RABGAP1L: variants seen among roughly 807,000 people sequenced by gnomAD.
RABGAP1L encodes rab GTPase-activating protein 1-like.
Under a neutral mutation model 137.7 loss-of-function variants are expected in RABGAP1L, and 63 were observed. The ratio of observed to expected loss-of-function variants is 0.46; its 90% CI spans 0.37 to 0.56. The LOEUF (loss-of-function observed/expected upper bound fraction) is 0.56, where lower values mean the gene tolerates loss of function less well. Ranked by LOEUF, RABGAP1L falls within the 20% of genes least tolerant of loss-of-function variation. RABGAP1L has a pLI of 0.00. For missense variants in RABGAP1L, 1,095 were observed against 1,244.0 expected, an observed-to-expected ratio of 0.88 and a Z score of 1.80; for synonymous variants, 431 against 433.7, an observed-to-expected ratio of 0.99 and a Z score of 0.08.
chr1:174,705,450 G>C (rs906039650), intron 17 of RABGAP1L: 2 of 152,084 alleles, frequency 1.3e-5, no homozygotes, highest in African/African-American at 4.8e-5. Context: ...GTGTTTGAAA[G>C]GTCATAATGT....
chr1:174,540,764 C>T lies in RABGAP1L; in HGVS notation c.1711-96611C>T, dbSNP rs373686176. On this transcript the variant is annotated intron_variant, in intron 13 of 25. Coordinates refer to ENST00000681986, the MANE Select transcript of RABGAP1L (RefSeq NM_001366446.1). Reference sequence around the variant, plus strand: ...CTTTGTTCTTTTTGTTTAGGATTGTCTTGGCAATGTGGGTTCTTTTTTGGT... The same window carrying T: ...CTTTGTTCTTTTTGTTTAGGATTGTTTTGGCAATGTGGGTTCTTTTTTGGT... Among the ~76,000 whole-genome samples the T allele has an allele frequency of 7.2e-5, 11 of 152,200 alleles. No individual in the cohort carries two copies. In the East Asian group the frequency reaches 1.7e-3, roughly 24 times the overall value.
intron 13 of RABGAP1L, among the ~76,000 whole-genome samples, chr1:174,481,762 T>A (rs1659105641): frequency 6.6e-6 from 1 of 151,838 alleles, no homozygotes; most frequent in African/African-American, 2.4e-5. Flanking sequence ...ACCCCAAAGA[T>A]CCCCATGTCT....
At chr1:174,769,693 A>C (rs992228088) in intron 18 of RABGAP1L, among the ~76,000 whole-genome samples, 30 of 152,148 alleles carry the variant, frequency 2.0e-4, no homozygotes, top group African/African-American at 6.5e-4. Context: ...TGGCTAGATG[A>C]GATCAAGAAG....
intron 8 of RABGAP1L, among the ~76,000 whole-genome samples, chr1:174,274,540 G>C (rs1674808300): frequency 6.6e-6 from 1 of 151,394 alleles, no homozygotes; most frequent in South Asian, 2.1e-4. Flanking sequence ...TATTCTATTT[G>C]CATAAAGAAA....
chr1:174,405,929 G>A (rs1649213009), intron 13 of RABGAP1L, among the ~76,000 whole-genome samples: 1 of 151,932 alleles, frequency 6.6e-6, no homozygotes, highest in Non-Finnish European at 1.5e-5. Flanking sequence ...AGTGAGCCAA[G>A]ATCACGCCAC....
chr1:174,633,795 A>T lies in RABGAP1L; in HGVS notation c.1711-3580A>T, dbSNP rs1351256262. ...ACAAGCAGTGGGGAAAGGATTCCCT[A>T]TTTAATAAATGGTGCTGGGAAAACT... is the stretch of plus-strand genomic sequence containing the variant. On this transcript the variant is annotated intron_variant, in intron 13 of 25. Coordinates refer to ENST00000681986, the MANE Select transcript of RABGAP1L (RefSeq NM_001366446.1). 1.4e-5 allele frequency among the ~76,000 whole-genome samples: 2 copies of T among 140,058 alleles called. 1 individual carries two copies. The highest frequency in any genetic ancestry group is 3.1e-5 in the Non-Finnish European group (2 of 65,424). The allele number at this position is 140,058 out of a possible 152,430, so 91.9% of individuals were successfully genotyped here. A position where few individuals can be genotyped will look rare whatever the true frequency, so the allele number is the denominator to read the frequency against.
chr1:174,691,378 G>A (rs1382571060), intron 15 of RABGAP1L, among the ~76,000 whole-genome samples: 1 of 152,176 alleles, frequency 6.6e-6, no homozygotes, highest in African/African-American at 2.4e-5. Context: ...ATAGTTTCTT[G>A]TGGAGAGAAG....
chr1:174,801,772 G>C (rs1688777646), intron 18 of RABGAP1L, among the ~76,000 whole-genome samples: 1 of 109,504 alleles, frequency 9.1e-6, no homozygotes, highest in Non-Finnish European at 2.3e-5. Flanking sequence ...ATTTAGAAAG[G>C]AGTTTTGTTT....
chr1:174,585,377 C>A lies in RABGAP1L; in HGVS notation c.1711-51998C>A, dbSNP rs557500145. On this transcript the variant is annotated intron_variant, in intron 13 of 25. Transcript: ENST00000681986. ...CCTTTTCTTCCTGTCCACCTGCTAC[C>A]TCAGCTTGAAAGAGTATATAGTGCT... Among the ~76,000 whole-genome samples, 240 of 152,212 alleles carry A rather than the reference C, an allele frequency of 1.6e-3. 3 individuals are homozygous for A. Among genetic ancestry groups the A allele is most frequent in the Non-Finnish European group, 2.4e-4 (16 of 68,020 alleles).
At chr1:174,432,542 T>A (rs147863571) in intron 13 of RABGAP1L, among the ~76,000 whole-genome samples, 29 of 152,310 alleles carry the variant, frequency 1.9e-4, no homozygotes, top group Non-Finnish European at 3.5e-4. Flanking sequence ...TTCTTTTCTT[T>A]CTTTTTTTCT....
intron 13 of RABGAP1L, among the ~76,000 whole-genome samples, chr1:174,590,403 G>A (rs1669518473): frequency 8.1e-6 from 1 of 123,492 alleles, no homozygotes; most frequent in South Asian, 2.7e-4. Flanking sequence ...ACATTGTGCA[G>A]GTTAGTTACA....
chr1:174,642,582 T>G (rs1674612809), intron 14 of RABGAP1L, among the ~76,000 whole-genome samples: 1 of 152,198 alleles, frequency 6.6e-6, no homozygotes, highest in African/African-American at 2.4e-5. Context: ...TCTTTCTTGA[T>G]GTGTCTGAAT....
intron 12 of RABGAP1L, among the ~76,000 whole-genome samples, chr1:174,375,207 GCTTTT>G (rs1685421419): frequency 6.6e-6 from 1 of 151,794 alleles, no homozygotes; most frequent in Non-Finnish European, 1.5e-5. Flanking sequence ...AAAATATTAT[GCTTTT>G]CTTTTTTGCC....
At chr1:174,434,095 A>C (rs142270001) in intron 13 of RABGAP1L, among the ~76,000 whole-genome samples, 4 of 142,514 alleles carry the variant, frequency 2.8e-5, no homozygotes, top group Non-Finnish European at 1.5e-5. Flanking sequence ...ACATGAGCGC[A>C]TGCGTGTACA....
chr1:174,238,453 G>A lies in RABGAP1L; in HGVS notation c.543-3030G>A, dbSNP rs1459317263. Reference sequence around the variant, plus strand: ...GATGTACAGATGGGTTTTTGGTGTGGATGTCCTTTCTGTTTTTAGTTTTCC... The same window carrying A: ...GATGTACAGATGGGTTTTTGGTGTGAATGTCCTTTCTGTTTTTAGTTTTCC... On this transcript the variant is annotated intron_variant, in intron 4 of 25. Transcript: ENST00000681986. Among the ~76,000 whole-genome samples the A allele has an allele frequency of 2.0e-5, 3 of 152,132 alleles. No homozygotes were observed. In the East Asian group the frequency reaches 5.8e-4, roughly 29 times the overall value.
Position 174,838,004 on chromosome 1 carries a change from T to TC in RABGAP1L, c.2340+26047dup, listed in dbSNP as rs575749784. Among the ~76,000 whole-genome samples, 35 of 152,188 alleles carry TC rather than the reference T, an allele frequency of 2.3e-4. 1 individual carries two copies. Among genetic ancestry groups the TC allele is most frequent in the Non-Finnish European group, 4.4e-4 (30 of 68,026 alleles). The stretch of plus-strand genomic sequence containing the variant: ...CTCTTTATAGAAGTAGATATATTAA[T>TC]CCCTTTAACCCCTTGAAAACTAGTA... On this transcript the variant is annotated intron_variant, in intron 19 of 25. Coordinates refer to ENST00000681986, the MANE Select transcript of RABGAP1L (RefSeq NM_001366446.1).
At chr1:174,438,754 A>G (rs972481926) in intron 13 of RABGAP1L, among the ~76,000 whole-genome samples, 3 of 126,148 alleles carry the variant, frequency 2.4e-5, no homozygotes, top group African/African-American at 1.0e-4. Context: ...GTATATATAT[A>G]TATATATATA....
At chr1:174,604,816 T>C (rs185787461) in intron 13 of RABGAP1L, among the ~76,000 whole-genome samples, 49 of 152,306 alleles carry the variant, frequency 3.2e-4, no homozygotes, top group African/African-American at 1.1e-3. Context: ...ATCAGGACTG[T>C]AAGGTGGATG....
chr1:174,258,202 T>G (rs753226189), intron 7 of RABGAP1L, among the ~76,000 whole-genome samples: 3 of 152,206 alleles, frequency 2.0e-5, no homozygotes, highest in Non-Finnish European at 2.9e-5. Flanking sequence ...AAATGTGGTA[T>G]TTAATATGTT....
Sources: gnomAD v4.1 joint callset for allele counts (sites outside exome capture counted in the v4.1 genomes callset) on GRCh38, gnomAD v4.1.1 for gene constraint, MANE v1.5 for transcripts, NCBI Gene and HGNC (gene_info 2026-07-23, HGNC 2026-07-21) for gene names.